The following NOX3 variants were observed in gnomAD, a reference collection of about 807,000 sequenced individuals.
NOX3 encodes the protein NADPH oxidase 3, also known as NADPH oxidase catalytic subunit-like 3.
NOX3 carries 74 observed loss-of-function variants against 76.7 expected under a neutral mutation model. The ratio of observed to expected loss-of-function variants is 0.96; its 90% CI spans 0.80 to 1.17. NOX3 has a LOEUF of 1.17. Ranked by LOEUF, NOX3 falls within the 50% of genes most tolerant of loss-of-function variation. The pLI, the probability that NOX3 is intolerant of heterozygous loss-of-function variation, is 0.00. For missense variants in NOX3, 695 were observed against 703.3 expected, an observed-to-expected ratio of 0.99 and a Z score of 0.13; for synonymous variants, 263 against 261.1, an observed-to-expected ratio of 1.01 and a Z score of -0.07.
chr6:155,411,284 C>T lies in NOX3; in HGVS notation c.1385G>A (p.Arg462Gln), dbSNP rs780733439. Residue 462 changes from arginine (R) to glutamine (Q), a missense_variant, in exon 11 of 14, where the codon CGG (arginine) becomes CAG (glutamine). Transcript: ENST00000159060. The part of the protein sequence containing the change: ...FADLLLSLET[R>Q]MSEQGKTHFL... ...GTGAGTTTTCCCCTGCTCACTCATC[C>T]GTGTTTCCAGGGAGAGTAAGAGATC... 2.5e-5 allele frequency: 41 copies of T among 1,613,800 alleles called. 1 individual carries two copies. Among genetic ancestry groups the T allele is most frequent in the Admixed American group, 2.0e-4 (12 of 59,992 alleles).
At position 155,404,127 on chromosome 6, in the gene NOX3, A is replaced by AT. The variant is rs4031391; in HGVS notation, c.1580+3002dup. Among the ~76,000 whole-genome samples, 63 of 145,362 alleles carry AT rather than the reference A, an allele frequency of 4.3e-4. No homozygotes were observed. In the Middle Eastern group the frequency reaches 0.01, roughly 24 times the overall value. On this transcript the variant is annotated intron_variant, in intron 12 of 13. Transcript: ENST00000159060. ...TATCAGTGAATATATATATATATAT[A>AT]TTTTTTTTTTCCCAAAAGGAGAAAA...
chr6:155,445,228 G>T (rs6919626), intron 4 of NOX3, among the ~76,000 whole-genome samples: 3 of 151,976 alleles, frequency 2.0e-5, no homozygotes, highest in Admixed American at 6.5e-5. Flanking sequence ...TTCATTGCCC[G>T]GGGTATAGAT....
At chr6:155,451,973 C>G (rs774895271) in intron 4 of NOX3, among the ~76,000 whole-genome samples, 18 of 152,228 alleles carry the variant, frequency 1.2e-4, no homozygotes, top group Middle Eastern at 3.4e-3. Flanking sequence ...TCCCCCTTCT[C>G]TCTGTAATAT....
chr6:155,453,979 A>G (rs1251512358), intron 3 of NOX3, among the ~76,000 whole-genome samples: 1 of 152,216 alleles, frequency 6.6e-6, no homozygotes, highest in Non-Finnish European at 1.5e-5. Context: ...AAGTCACACA[A>G]AAGTTTTGAT....
In NOX3 at chr6:155,439,943, A is replaced by T. The variant is rs1776959091; in HGVS notation, c.668+13T>A. On this transcript the variant is annotated intron_variant, in intron 6 of 13. Transcript: ENST00000159060. ...AGATAAAATCCTTGCAGAGGAGCGC[A>T]GTATGGACTTACCCCGTCCCATGGA... is the stretch of plus-strand genomic sequence containing the variant. 6.2e-7 allele frequency: 1 copy of T among 1,609,148 alleles called. No homozygotes were observed. Among genetic ancestry groups the T allele is most frequent in the East Asian group, 2.2e-5 (1 of 44,814 alleles).
intron 12 of NOX3, among the ~76,000 whole-genome samples, chr6:155,405,427 A>G (rs999772479): frequency 6.6e-6 from 1 of 152,160 alleles, no homozygotes; most frequent in Admixed American, 6.5e-5. Flanking sequence ...GTCCATCTAT[A>G]TCTGCCTGTC....
chr6:155,455,620 G>A, intron 1 of NOX3, 133 bp downstream of exon 1: 1 of 617,620 alleles, frequency 1.6e-6, no homozygotes, highest in East Asian at 2.8e-5. Flanking sequence ...TCTACTGAAT[G>A]TTTTCTAACA....
rs747937926 is a variant in NOX3, at chr6:155,440,145, AAAC to A, written c.487-11_487-9del. 3.2e-5 allele frequency: 49 copies of A among 1,552,728 alleles called. No individual in the cohort carries two copies. The Middle Eastern group carries it at 5.2e-4, about 16-fold the overall frequency. ...CAATTCAGTGGTTGTGTTCTAAAAAAAACAACAACAACAAAAAAAGAAACAAAC... is the reference window on the plus strand; with the variant it reads ...CAATTCAGTGGTTGTGTTCTAAAAAAAACAACAACAAAAAAAGAAACAAAC... On this transcript the variant is annotated splice_polypyrimidine_tract_variant and intron_variant, in intron 5 of 13. Transcript: ENST00000159060.
At chr6:155,423,889 T>C (rs1776724024) in intron 9 of NOX3, among the ~76,000 whole-genome samples, 1 of 151,996 alleles carries the variant, frequency 6.6e-6, no homozygotes, top group African/African-American at 2.4e-5. Flanking sequence ...TGTAGGCACG[T>C]GCCACCACGC....
chr6:155,418,474 T>G (rs1443261235), intron 10 of NOX3, among the ~76,000 whole-genome samples: 2 of 152,234 alleles, frequency 1.3e-5, no homozygotes, highest in Non-Finnish European at 2.9e-5. Context: ...ATTTCTTTCA[T>G]GTATTACAAC....
chr6:155,440,183 C>T, intron 5 of NOX3, 46 bp from the exon 6 acceptor site: 1 of 1,406,740 alleles, frequency 7.1e-7, no homozygotes, highest in South Asian at 1.4e-5. Context: ...CAAAAAAAAA[C>T]ACCTTGACAT....
intron 10 of NOX3, among the ~76,000 whole-genome samples, chr6:155,412,428 T>A (rs917891534): frequency 1.3e-5 from 2 of 152,220 alleles, no homozygotes; most frequent in Non-Finnish European, 2.9e-5. Context: ...ATTCTCTTCA[T>A]GTTTAGGCAG....
At chr6:155,405,715 A>T (rs1488668629) in intron 12 of NOX3, among the ~76,000 whole-genome samples, 2 of 152,102 alleles carry the variant, frequency 1.3e-5, no homozygotes, top group East Asian at 3.8e-4. Flanking sequence ...ATCCATAGTC[A>T]ATTCAGCTCA....
chr6:155,404,129 T>TATA (rs67713833), intron 12 of NOX3, among the ~76,000 whole-genome samples: 3,185 of 91,270 alleles, frequency 0.035, 111 homozygotes, highest in African/African-American at 0.15. Flanking sequence ...ATATATATAT[T>TATA]TTTTTTTTCC....
chr6:155,442,579 G>GA lies in NOX3; in HGVS notation c.486+693dup, dbSNP rs928490951. Among the ~76,000 whole-genome samples the GA allele has an allele frequency of 2.6e-3, 398 of 152,308 alleles. 2 individuals carry two copies. The highest frequency in any genetic ancestry group is 2.6e-3 in the Non-Finnish European group (180 of 68,008). On this transcript the variant is annotated intron_variant, in intron 5 of 13. Transcript: ENST00000159060. Reference sequence around the variant, plus strand: ...ACATATGCCAATATGGTGGTATGTGGAAAAAAACTGAGATCAACCACAAAG... The same window carrying GA: ...ACATATGCCAATATGGTGGTATGTGGAAAAAAAACTGAGATCAACCACAAAG...
chr6:155,421,712 G>A (rs914964719), intron 10 of NOX3, among the ~76,000 whole-genome samples: 2 of 152,050 alleles, frequency 1.3e-5, no homozygotes, highest in African/African-American at 4.8e-5. Context: ...CTGGTCTAGC[G>A]TCAAACTCCT....
rs1562473310 is a variant in NOX3, at chr6:155,449,869, C to G, written c.340+3535G>C. ...AAAATAAGCGCAGGGACATTTTCAG[C>G]TGCTCCCAAGTGAATCTACCAGAAG... On this transcript the variant is annotated intron_variant, in intron 4 of 13. Transcript: ENST00000159060. Among the ~76,000 whole-genome samples the G allele has an allele frequency of 4.6e-5, 7 of 152,352 alleles. No homozygotes were observed. In the East Asian group the frequency reaches 1.2e-3, roughly 25 times the overall value.
intron 7 of NOX3, among the ~76,000 whole-genome samples, chr6:155,434,582 C>T (rs955342469): frequency 2.0e-4 from 30 of 152,162 alleles, no homozygotes; most frequent in Non-Finnish European, 3.7e-4. Flanking sequence ...TGGATGTTTA[C>T]AGAAATGAGA....
intron 9 of NOX3, among the ~76,000 whole-genome samples, chr6:155,426,343 T>C (rs1375532044): frequency 2.0e-5 from 3 of 152,160 alleles, no homozygotes; most frequent in Non-Finnish European, 4.4e-5. Context: ...AGAGGCCCTT[T>C]TCTCATAGAG....
Sources: allele counts gnomAD v4.1 joint callset (sites outside exome capture counted in the v4.1 genomes callset), GRCh38; gene constraint gnomAD v4.1.1; transcripts MANE v1.5; gene names NCBI Gene and HGNC (gene_info 2026-07-23, HGNC 2026-07-21).